NPTN: variants seen among roughly 807,000 people sequenced by gnomAD.
NPTN encodes SDR-1.
In NPTN, 5 loss-of-function variants were observed where a neutral mutation model predicts 42.7. The observed-to-expected ratio is 0.12, with a 90% confidence interval of 0.06 to 0.25. The LOEUF (loss-of-function observed/expected upper bound fraction) is 0.25, where lower values mean the gene tolerates loss of function less well. Ranked by LOEUF, NPTN falls within the 10% of genes least tolerant of loss-of-function variation. The probability of loss-of-function intolerance (pLI) is 1.00; values close to 1 mark genes in which losing one functional copy is unlikely to be tolerated. For missense variants in NPTN, 307 were observed against 525.4 expected (o/e 0.58, Z 4.06); for synonymous variants, 180 against 201.9 (o/e 0.89, Z 0.92).
intron 5 of NPTN, 67 bp downstream of exon 5, chr15:73,573,595 C>T (rs1221693961): frequency 1.4e-6 from 2 of 1,480,662 alleles, no homozygotes; most frequent in Non-Finnish European, 9.0e-7. Flanking sequence ...CAGTAACTGA[C>T]CCACGTGTCT....
At chr15:73,613,361 T>C (rs1897686740) in intron 1 of NPTN, among the ~76,000 whole-genome samples, 1 of 152,202 alleles carries the variant, frequency 6.6e-6, no homozygotes, top group Non-Finnish European at 1.5e-5. Flanking sequence ...TTGGTAACTA[T>C]ACCACCCTTA....
At chr15:73,615,446 T>C (rs1566987361) in intron 1 of NPTN, among the ~76,000 whole-genome samples, 1 of 152,152 alleles carries the variant, frequency 6.6e-6, no homozygotes, top group Non-Finnish European at 1.5e-5. Flanking sequence ...TACAGAGGAA[T>C]GATGCACACC....
chr15:73,587,399 A>G (rs1389993688), intron 4 of NPTN, 125 bp downstream of exon 4: 2 of 697,226 alleles, frequency 2.9e-6, no homozygotes, highest in Non-Finnish European at 5.0e-6. Flanking sequence ...CCTGTGGCCT[A>G]ACCACAACAT....
In NPTN at chr15:73,609,021, G is replaced by A. The variant is rs909050876; in HGVS notation, c.92-11652C>T. Among the ~76,000 whole-genome samples the A allele has an allele frequency of 5.9e-5, 9 of 152,268 alleles. No individual in the cohort carries two copies. The East Asian group carries it at 1.4e-3, about 23-fold the overall frequency. ...CTTATGGACGTTGAAGCCATGGGAG[G>A]AGATGAGCTGACTCAGGGAGGATGA... On this transcript the variant is annotated intron_variant, in intron 1 of 8. Coordinates refer to ENST00000345330, the MANE Select transcript of NPTN (RefSeq NM_012428.4).
Position 73,633,134 on chromosome 15 carries a change from C to T in NPTN, c.82G>A (p.Ala28Thr). 6.7e-7 allele frequency: 1 copy of T among 1,490,220 alleles called. No homozygotes were observed. 92.3% of individuals were successfully genotyped at this position (1,490,220 alleles called of 1,614,324 possible). The part of the protein sequence containing the change: ...SGSLLPGPGA[A>T]QNAGFVKSPM... ...CCGGCGCCCCGCTTACCGTTCTGAG[C>T]GGCGCCTGGCCCTGGGAGGAGGGAG... The change falls in exon 1 of 9, where the codon GCT becomes ACT. Residue 28 changes from alanine to threonine, a missense_variant. This residue lies in a region of NPTN where 43 missense variants were observed against 34.3 expected (regional missense o/e 1.25). Transcript: ENST00000345330.
intron 1 of NPTN, among the ~76,000 whole-genome samples, chr15:73,614,008 A>G (rs1223949475): frequency 6.6e-6 from 1 of 152,052 alleles, no homozygotes; most frequent in Admixed American, 6.5e-5. Flanking sequence ...TTTAAATTGT[A>G]ACTTTTTGAA....
chr15:73,569,598 A>C lies in NPTN; in HGVS notation c.1114+552T>G. The C allele has an allele frequency of 1.0e-6, 1 of 985,476 alleles. No individual in the cohort carries two copies. Among genetic ancestry groups the C allele is most frequent in the Non-Finnish European group, 1.2e-6 (1 of 829,942 alleles). The allele number at this position is 985,476 out of a possible 1,614,324, so 61.0% of individuals were successfully genotyped here. ...CGCTGGAAACCTATCAAAGGGACCAACCAAGGAACCAAAAGCTGGCTTGTT... is the reference window on the plus strand; with the variant it reads ...CGCTGGAAACCTATCAAAGGGACCACCCAAGGAACCAAAAGCTGGCTTGTT... On this transcript the variant is annotated intron_variant, in intron 6 of 8. Transcript: ENST00000345330. The surrounding 1 kb of genome is among the most constrained non-coding windows in gnomAD (Gnocchi z 4.1).
In NPTN at chr15:73,592,119, C is replaced by G. The variant is rs774262484; in HGVS notation, c.458G>C (p.Ser153Thr). 4 of 1,613,528 alleles carry G rather than the reference C, an allele frequency of 2.5e-6. No homozygotes were observed. The highest frequency in any genetic ancestry group is 3.3e-5 in the Admixed American group (2 of 59,974). Reference protein sequence around the residue: ...SVLQKPRIVTSEEVIIRDSPV... With the variant: ...SVLQKPRIVTTEEVIIRDSPV... Reference sequence around the variant, plus strand: ...GCTGTCTCGAATAATGACCTCTTCACTGGTGACAATCCTTGGCTCTGTAAT... The same window carrying G: ...GCTGTCTCGAATAATGACCTCTTCAGTGGTGACAATCCTTGGCTCTGTAAT... The change falls in exon 3 of 9, where the codon AGT becomes ACT. Residue 153 changes from serine (S) to threonine (T), a missense_variant. Ser to Thr is a moderately conservative substitution (Grantham distance 58). Coordinates refer to ENST00000345330, the MANE Select transcript of NPTN (RefSeq NM_012428.4).
At chr15:73,591,936 A>T (rs1461497426) in intron 3 of NPTN, 30 bp downstream of exon 3, 1 of 1,587,878 alleles carries the variant, frequency 6.3e-7, no homozygotes, top group Non-Finnish European at 8.6e-7. Context: ...ACTCCCTCCC[A>T]CCTTCCCAGG....
intron 1 of NPTN, among the ~76,000 whole-genome samples, chr15:73,624,576 C>T (rs1184034919): frequency 2.6e-5 from 4 of 152,186 alleles, no homozygotes; most frequent in Middle Eastern, 3.4e-3. Flanking sequence ...ATCTTGTTGC[C>T]TTTTTTTCCT....
chr15:73,561,698 C>T (rs1031303462), intron 8 of NPTN, among the ~76,000 whole-genome samples, 198 bp downstream of exon 8: 3 of 151,958 alleles, frequency 2.0e-5, no homozygotes, highest in African/African-American at 7.3e-5. Context: ...CAAACAACAA[C>T]AAAAAACAAC....
intron 4 of NPTN, among the ~76,000 whole-genome samples, chr15:73,577,592 G>A (rs895540080): frequency 1.3e-5 from 2 of 152,196 alleles, no homozygotes; most frequent in Non-Finnish European, 2.9e-5. Context: ...GGACTAGATT[G>A]CCTTTGTAGA....
chr15:73,567,842 A>G (rs889398976), intron 6 of NPTN: 3 of 985,344 alleles, frequency 3.0e-6, no homozygotes, highest in Non-Finnish European at 3.6e-6. Context: ...TCATTCCAGC[A>G]TCTCAGATTT....
At position 73,569,091 on chromosome 15, in the gene NPTN, C is replaced by T. The variant is rs1171963361; in HGVS notation, c.1114+1059G>A. ...AACAGCTGGACTACAGCTGGCAACC[C>T]CACCATCACCCCGGGTAGGCTACCA... is the stretch of plus-strand genomic sequence containing the variant. On this transcript the variant is annotated intron_variant, in intron 6 of 8. Coordinates refer to ENST00000345330, the MANE Select transcript of NPTN (RefSeq NM_012428.4). The surrounding 1 kb of genome is among the most constrained non-coding windows in gnomAD (Gnocchi z 4.1). 6.1e-6 allele frequency: 6 copies of T among 985,680 alleles called. No individual in the cohort carries two copies. The highest frequency in any genetic ancestry group is 7.2e-6 in the Non-Finnish European group (6 of 830,236). 61.1% of individuals were successfully genotyped at this position (985,680 alleles called of 1,614,324 possible).
chr15:73,631,454 T>C (rs868773308), intron 1 of NPTN, among the ~76,000 whole-genome samples: 3 of 152,216 alleles, frequency 2.0e-5, no homozygotes, highest in South Asian at 4.1e-4. Context: ...TCCAAGGCCA[T>C]GAAGCACACA....
chr15:73,561,960 A>T lies in NPTN; in HGVS notation c.1147T>A (p.Ser383Thr). The stretch of plus-strand genomic sequence containing the variant: ...TTTTTATCTTTGTGATTGTTGGTAG[A>T]GTTGGTTTTCCTTTGGAGGAAAAAT... ...DEPAGPMKTN[S>T]TNNHKDKNLR... The change falls in exon 8 of 9, where the codon TCT becomes ACT. Residue 383 changes from serine (S) to threonine (T), a missense_variant. By Grantham distance (58) the Ser-to-Thr change is moderately conservative (BLOSUM62 1). Coordinates refer to ENST00000345330, the MANE Select transcript of NPTN (RefSeq NM_012428.4). The T allele has an allele frequency of 6.3e-7, 1 of 1,595,582 alleles. No individual in the cohort carries two copies. Among genetic ancestry groups the T allele is most frequent in the Non-Finnish European group, 8.5e-7 (1 of 1,175,094 alleles).
At chr15:73,575,983 A>C (rs190431264) in intron 4 of NPTN, among the ~76,000 whole-genome samples, 1 of 152,324 alleles carries the variant, frequency 6.6e-6, no homozygotes, top group East Asian at 1.9e-4. Flanking sequence ...ACCTGGCTCT[A>C]TCTCATTCCC....
In NPTN at chr15:73,633,202, G is replaced by C. The variant is rs1449689929; in HGVS notation, c.14C>G (p.Ser5Trp). Residue 5 changes from serine (S) to tryptophan (W), a missense_variant, in exon 1 of 9, where the codon TCG becomes TGG. This residue lies in a region of NPTN where 43 missense variants were observed against 34.3 expected (regional missense o/e 1.25). Transcript: ENST00000345330. MSGS[S>W]LPSALALSLL... ...CGAGAGGGCCAGGGCGCTGGGCAGC[G>C]ACGAACCCGACATCCTCCCTAGCAG... is the stretch of plus-strand genomic sequence containing the variant. 1.3e-6 allele frequency: 2 copies of C among 1,528,774 alleles called. No individual in the cohort carries two copies. Among genetic ancestry groups the C allele is most frequent in the Non-Finnish European group, 1.7e-6 (2 of 1,143,188 alleles). 94.7% of individuals were successfully genotyped at this position (1,528,774 alleles called of 1,614,324 possible). A position where few individuals can be genotyped will look rare whatever the true frequency, so the allele number is the denominator to read the frequency against.
At chr15:73,619,486 A>G (rs1898026130) in intron 1 of NPTN, among the ~76,000 whole-genome samples, 1 of 152,216 alleles carries the variant, frequency 6.6e-6, no homozygotes, top group Admixed American at 6.5e-5. Context: ...CTTAATTTTG[A>G]TGGTGCAATA....
Sources: allele counts gnomAD v4.1 joint callset (sites outside exome capture counted in the v4.1 genomes callset), GRCh38; gene constraint gnomAD v4.1.1; regional missense constraint gnomAD v4.1.1; non-coding constraint Gnocchi (gnomAD v3.1); transcripts MANE v1.5; gene names NCBI Gene and HGNC (gene_info 2026-07-23, HGNC 2026-07-21).